Variants in SGCZ observed in about 807,000 individuals in gnomAD.
SGCZ encodes the protein zeta-sarcoglycan.
A neutral mutation model predicts 41.3 loss-of-function variants in SGCZ; 40 were observed. The observed-to-expected ratio is 0.97, with a 90% CI of 0.75 to 1.26. The LOEUF (loss-of-function observed/expected upper bound fraction) is 1.26, where lower values mean the gene tolerates loss of function less well. SGCZ is among the 50% of genes most tolerant of loss of function. The pLI, the probability that SGCZ is intolerant of heterozygous loss-of-function variation, is 0.00. For synonymous variants in SGCZ, 206 were observed against 137.5 expected, an observed-to-expected ratio of 1.50 and a Z score of -3.49; for missense variants, 552 against 369.8, an observed-to-expected ratio of 1.49 and a Z score of -4.04.
chr8:14,937,265 C>CG (rs1322685387), intron 1 of SGCZ, among the ~76,000 whole-genome samples: 21 of 145,630 alleles, frequency 1.4e-4, no homozygotes, highest in African/African-American at 5.5e-4. Flanking sequence ...AAAAATGTTG[C>CG]ATTTAATTTG....
chr8:14,502,455 T>C (rs1802181511), intron 2 of SGCZ, among the ~76,000 whole-genome samples: 1 of 152,176 alleles, frequency 6.6e-6, no homozygotes. Flanking sequence ...ATACAGTTTA[T>C]TTCTCAGAGT....
chr8:15,170,550 A>T (rs975783520), intron 1 of SGCZ, among the ~76,000 whole-genome samples: 3 of 152,210 alleles, frequency 2.0e-5, no homozygotes, highest in Non-Finnish European at 2.9e-5. Flanking sequence ...CTTCTTCAAC[A>T]GACTGGGGAA....
At chr8:14,159,085 A>G (rs1585188433) in intron 5 of SGCZ, among the ~76,000 whole-genome samples, 1 of 152,122 alleles carries the variant, frequency 6.6e-6, no homozygotes, top group Non-Finnish European at 1.5e-5. Flanking sequence ...GTATTTTTTT[A>G]ATATCATGAT....
intron 1 of SGCZ, among the ~76,000 whole-genome samples, chr8:14,826,459 T>C (rs1283845107): frequency 6.6e-6 from 1 of 152,128 alleles, no homozygotes; most frequent in Admixed American, 6.5e-5. Context: ...AGTAATGGGA[T>C]GGCTGGGTCA....
At chr8:14,576,640 A>T (rs1585094285) in intron 1 of SGCZ, among the ~76,000 whole-genome samples, 1 of 152,216 alleles carries the variant, frequency 6.6e-6, no homozygotes, top group Non-Finnish European at 1.5e-5. Flanking sequence ...TCAAAGCCAT[A>T]GGCATTCTTT....
chr8:14,218,956 C>T (rs867342617), intron 4 of SGCZ, among the ~76,000 whole-genome samples: 27 of 152,262 alleles, frequency 1.8e-4, no homozygotes, highest in South Asian at 6.2e-4. Context: ...GGAGAAATTG[C>T]CAAAGAACTC....
At chr8:14,330,414 A>G (rs1345697976) in intron 2 of SGCZ, among the ~76,000 whole-genome samples, 1 of 152,132 alleles carries the variant, frequency 6.6e-6, no homozygotes, top group Non-Finnish European at 1.5e-5. Flanking sequence ...TTAAAAACTG[A>G]AAGTAATCTT....
intron 5 of SGCZ, among the ~76,000 whole-genome samples, chr8:14,125,225 C>G (rs966336591): frequency 6.6e-6 from 1 of 152,012 alleles, no homozygotes; most frequent in African/African-American, 2.4e-5. Context: ...CTCACGCCTG[C>G]AATCCCAGCA....
At position 14,910,731 on chromosome 8, in the gene SGCZ, T is replaced by G. The variant is rs190717798; in HGVS notation, c.39+326854A>C. On this transcript the variant is annotated intron_variant, in intron 1 of 7. Coordinates refer to ENST00000382080, the MANE Select transcript of SGCZ (RefSeq NM_139167.4). ...AAAATTTCTTCAAATTTATATATTT[T>G]TATTATACCTATTATGAAAATAGGA... Among the ~76,000 whole-genome samples, 267 of 152,040 alleles carry G rather than the reference T, an allele frequency of 1.8e-3. 5 individuals are homozygous for G. The East Asian group carries it at 0.042, about 24-fold the overall frequency.
intron 2 of SGCZ, among the ~76,000 whole-genome samples, chr8:14,399,532 G>T (rs75192740): frequency 0.014 from 2,125 of 152,106 alleles, 63 homozygotes; most frequent in African/African-American, 0.049. Flanking sequence ...AGAAAAAAAA[G>T]TCCCAGTCTT....
In SGCZ at chr8:14,088,651, C is replaced by G. The variant is rs1427025285; in HGVS notation, c.*1792G>C. On this transcript the variant is annotated 3_prime_UTR_variant, in exon 8 of 8. Coordinates refer to ENST00000382080, the MANE Select transcript of SGCZ (RefSeq NM_139167.4). ...TGATTTAAAAAGTTATATAATAACA[C>G]CCAAATATAATCACATTTTATTTTA... is the stretch of plus-strand genomic sequence containing the variant. Among the ~76,000 whole-genome samples the G allele has an allele frequency of 6.6e-6, 1 of 151,706 alleles. No individual in the cohort carries two copies. Among genetic ancestry groups the G allele is most frequent in the Non-Finnish European group, 1.5e-5 (1 of 67,822 alleles).
intron 6 of SGCZ, among the ~76,000 whole-genome samples, chr8:14,107,239 TAA>T (rs200495044): frequency 2.1e-4 from 30 of 145,390 alleles, no homozygotes; most frequent in African/African-American, 6.0e-4. Flanking sequence ...AAAAAATAAA[TAA>T]AAAAAAAAAA....
chr8:14,618,831 A>G (rs773038668), intron 1 of SGCZ, among the ~76,000 whole-genome samples: 1 of 152,188 alleles, frequency 6.6e-6, no homozygotes, highest in African/African-American at 2.4e-5. Context: ...AACAATTCCG[A>G]TGGGGAGTAA....
chr8:14,782,588 T>A (rs968433298), intron 1 of SGCZ, among the ~76,000 whole-genome samples: 1 of 152,150 alleles, frequency 6.6e-6, no homozygotes, highest in Non-Finnish European at 1.5e-5. Context: ...CTCATTTCAA[T>A]ACTGACAATC....
intron 2 of SGCZ, among the ~76,000 whole-genome samples, chr8:14,374,652 A>G (rs1173873216): frequency 2.0e-5 from 3 of 152,216 alleles, no homozygotes; most frequent in Non-Finnish European, 2.9e-5. Flanking sequence ...AGGCCAGACC[A>G]CATACTGCCA....
chr8:14,880,551 C>T (rs1004512123), intron 1 of SGCZ, among the ~76,000 whole-genome samples: 7 of 152,088 alleles, frequency 4.6e-5, no homozygotes, highest in Non-Finnish European at 8.8e-5. Context: ...TTGGAAGCAA[C>T]CCAAATGTCC....
At position 14,569,105 on chromosome 8, in the gene SGCZ, TA is replaced by T. The variant is rs150811713; in HGVS notation, c.40-14180del. Among the ~76,000 whole-genome samples the T allele has an allele frequency of 5.8e-3, 880 of 152,286 alleles. 3 individuals carry two copies. Among genetic ancestry groups the T allele is most frequent in the African/African-American group, 0.02 (846 of 41,546 alleles). On this transcript the variant is annotated intron_variant, in intron 1 of 7. Coordinates refer to ENST00000382080, the MANE Select transcript of SGCZ (RefSeq NM_139167.4). ...ACATCTTTCATTCTAACTTTAAATA[TA>T]ACCCCCATGTCTGAATCAATACTAC... is the stretch of plus-strand genomic sequence containing the variant.
chr8:14,279,877 A>T (rs754422632), intron 3 of SGCZ, among the ~76,000 whole-genome samples: 1 of 151,844 alleles, frequency 6.6e-6, no homozygotes, highest in African/African-American at 2.4e-5. Context: ...AAAACTAACA[A>T]CTAGTCCCTG....
At chr8:15,088,178 G>A (rs946955730) in intron 1 of SGCZ, among the ~76,000 whole-genome samples, 1 of 151,994 alleles carries the variant, frequency 6.6e-6, no homozygotes, top group Non-Finnish European at 1.5e-5. Flanking sequence ...TCATATTATT[G>A]ATTACCTATG....
Sources: allele counts gnomAD v4.1 joint callset (sites outside exome capture counted in the v4.1 genomes callset), GRCh38; gene constraint gnomAD v4.1.1; transcripts MANE v1.5; gene names NCBI Gene and HGNC (gene_info 2026-07-23, HGNC 2026-07-21).